CNTN4: variants seen among roughly 807,000 people sequenced by gnomAD.
CNTN4 encodes contactin-4.
In CNTN4, 77 loss-of-function variants were observed where a neutral mutation model predicts 122.5. The ratio of observed to expected loss-of-function variants is 0.63; its 90% CI spans 0.52 to 0.76. The LOEUF is 0.76. Ranked by LOEUF, CNTN4 falls within the 30% of genes least tolerant of loss-of-function variation. The pLI is 0.00. For synonymous variants in CNTN4, 512 were observed against 447.0 expected (o/e 1.15, Z -1.83); for missense variants, 1,256 against 1,259.1 (o/e 1.00, Z 0.04).
intron 3 of CNTN4, among the ~76,000 whole-genome samples, chr3:2,393,088 C>T (rs1431358430): frequency 1.3e-5 from 2 of 152,132 alleles, no homozygotes; most frequent in African/African-American, 2.4e-5. Context: ...GCCACTGTTC[C>T]ATCCTATTCT....
intron 3 of CNTN4, among the ~76,000 whole-genome samples, chr3:2,529,365 T>C (rs1412138681): frequency 6.6e-6 from 1 of 152,200 alleles, no homozygotes; most frequent in African/African-American, 2.4e-5. Flanking sequence ...GATGGATACT[T>C]ACATTGATTC....
intron 3 of CNTN4, among the ~76,000 whole-genome samples, chr3:2,443,724 C>A (rs1165850420): frequency 6.6e-6 from 1 of 152,108 alleles, no homozygotes; most frequent in Non-Finnish European, 1.5e-5. Context: ...TTGTACTCTG[C>A]CTACAGACCA....
At chr3:2,225,372 G>A (rs2039241016) in intron 2 of CNTN4, among the ~76,000 whole-genome samples, 1 of 151,706 alleles carries the variant, frequency 6.6e-6, no homozygotes, top group Non-Finnish European at 1.5e-5. Context: ...AAAGTAGCCG[G>A]GTGTGGTGGT....
chr3:2,970,658 C>T (rs1466964187), intron 13 of CNTN4, among the ~76,000 whole-genome samples: 1 of 152,030 alleles, frequency 6.6e-6, no homozygotes, highest in Non-Finnish European at 1.5e-5. Context: ...TGTGCCCAGG[C>T]TGGTCTCAAA....
chr3:2,341,277 C>G (rs1310641315), intron 3 of CNTN4, among the ~76,000 whole-genome samples: 1 of 152,134 alleles, frequency 6.6e-6, no homozygotes, highest in Non-Finnish European at 1.5e-5. Flanking sequence ...TGAGGCTTCC[C>G]TCTTGTGCCA....
At chr3:2,743,687 A>G (rs2089594714) in intron 5 of CNTN4, among the ~76,000 whole-genome samples, 1 of 152,370 alleles carries the variant, frequency 6.6e-6, no homozygotes, top group East Asian at 1.9e-4. Flanking sequence ...GTTAGATTTT[A>G]GATGGCTAAA....
At chr3:2,312,128 C>T (rs2042937694) in intron 2 of CNTN4, among the ~76,000 whole-genome samples, 1 of 151,800 alleles carries the variant, frequency 6.6e-6, no homozygotes, top group Non-Finnish European at 1.5e-5. Flanking sequence ...GCCTGAGTAA[C>T]ATAGTGGGAC....
At chr3:2,233,234 C>T (rs186262333) in intron 2 of CNTN4, among the ~76,000 whole-genome samples, 2 of 152,112 alleles carry the variant, frequency 1.3e-5, no homozygotes, top group South Asian at 2.1e-4. Context: ...AGATTCTTCA[C>T]TGATCCCTGT....
intron 2 of CNTN4, among the ~76,000 whole-genome samples, chr3:2,239,657 A>G (rs768392012): frequency 1.3e-5 from 2 of 152,172 alleles, no homozygotes; most frequent in Non-Finnish European, 2.9e-5. Context: ...TTAGAGGTTA[A>G]TAATTTTGTA....
chr3:2,806,637 G>C (rs577089213), intron 6 of CNTN4, among the ~76,000 whole-genome samples: 4 of 152,136 alleles, frequency 2.6e-5, no homozygotes, highest in Non-Finnish European at 5.9e-5. Context: ...TTTTGCTGGG[G>C]AGCTGTTTTT....
chr3:2,871,586 A>G (rs1166612691), intron 8 of CNTN4, among the ~76,000 whole-genome samples: 3 of 152,102 alleles, frequency 2.0e-5, no homozygotes, highest in African/African-American at 7.2e-5. Context: ...ATTGGACCTA[A>G]TAGGCACTTA....
At chr3:2,307,084 AT>A (rs1335431246) in intron 2 of CNTN4, among the ~76,000 whole-genome samples, 1 of 152,084 alleles carries the variant, frequency 6.6e-6, no homozygotes, top group African/African-American at 2.4e-5. Context: ...ATCTAGGCAC[AT>A]TTTATTTTAT....
chr3:2,655,329 A>G (rs975703650), intron 4 of CNTN4, among the ~76,000 whole-genome samples: 1 of 152,172 alleles, frequency 6.6e-6, no homozygotes, highest in Non-Finnish European at 1.5e-5. Flanking sequence ...TGCATCACTC[A>G]GTATGTATGT....
At chr3:2,683,990 C>A (rs2085302090) in intron 4 of CNTN4, among the ~76,000 whole-genome samples, 2 of 152,102 alleles carry the variant, frequency 1.3e-5, no homozygotes, top group Non-Finnish European at 2.9e-5. Flanking sequence ...AAGGTGTTTA[C>A]CTATCGTTTA....
intron 12 of CNTN4, among the ~76,000 whole-genome samples, chr3:2,913,536 C>G (rs1172312514): frequency 3.3e-5 from 5 of 152,082 alleles, no homozygotes; most frequent in Non-Finnish European, 4.4e-5. Context: ...ACAAAATAAA[C>G]TTTAAGACAA....
intron 3 of CNTN4, among the ~76,000 whole-genome samples, chr3:2,561,853 A>G (rs921874636): frequency 6.6e-6 from 1 of 152,148 alleles, no homozygotes; most frequent in African/African-American, 2.4e-5. Flanking sequence ...TGATTTTGTC[A>G]TGTGTACTTG....
chr3:3,023,129 A>C (rs1698439244), intron 14 of CNTN4, among the ~76,000 whole-genome samples: 1 of 152,168 alleles, frequency 6.6e-6, no homozygotes, highest in African/African-American at 2.4e-5. Flanking sequence ...AAAACATCAA[A>C]ATTCACAACA....
At chr3:2,317,645 T>A (rs1482543855) in intron 2 of CNTN4, among the ~76,000 whole-genome samples, 1 of 152,192 alleles carries the variant, frequency 6.6e-6, no homozygotes, top group Non-Finnish European at 1.5e-5. Context: ...GAGTTTGAAG[T>A]CTTTCTTCTA....
chr3:2,324,716 A>G (rs2043393431), intron 2 of CNTN4, among the ~76,000 whole-genome samples: 1 of 152,120 alleles, frequency 6.6e-6, no homozygotes, highest in South Asian at 2.1e-4. Flanking sequence ...AAATGAGAAA[A>G]ACATTTTTGG....
Sources: gnomAD v4.1 joint callset for allele counts (sites outside exome capture counted in the v4.1 genomes callset) on GRCh38, gnomAD v4.1.1 for gene constraint, MANE v1.5 for transcripts, NCBI Gene and HGNC (gene_info 2026-07-23, HGNC 2026-07-21) for gene names.